The following MVB12B variants were observed in gnomAD, a reference collection of about 807,000 sequenced individuals.
The protein encoded by MVB12B is ESCRT-I complex subunit MVB12B.
In MVB12B, 16 loss-of-function variants were observed where a neutral mutation model predicts 41.6. The observed-to-expected ratio is 0.38, with a 90% CI of 0.26 to 0.58. The LOEUF (loss-of-function observed/expected upper bound fraction) is 0.58, where lower values mean the gene tolerates loss of function less well. Ranked by LOEUF, MVB12B falls within the 20% of genes least tolerant of loss-of-function variation. MVB12B has a pLI of 0.62. For missense variants in MVB12B, 274 were observed against 380.2 expected (o/e 0.72, Z 2.32); for synonymous variants, 133 against 139.7 (o/e 0.95, Z 0.34).
intron 6 of MVB12B, among the ~76,000 whole-genome samples, chr9:126,419,959 G>A (rs1392332140): frequency 6.6e-6 from 1 of 152,110 alleles, no homozygotes; most frequent in Non-Finnish European, 1.5e-5. Context: ...TCTTGTAATG[G>A]TGTTTGGCGC....
At position 126,395,819 on chromosome 9, in the gene MVB12B, G is replaced by A; in HGVS notation, c.662+122G>A. On this transcript the variant is annotated intron_variant, in intron 6 of 9. Transcript: ENST00000361171. The surrounding 1 kb of genome is among the most constrained non-coding windows in gnomAD (Gnocchi z 4.9). ...AAAGTACAGCTGAATAATTGTAGAA[G>A]CAATATATCTTTAGAGGAGATTTTT... The A allele has an allele frequency of 6.7e-7, 1 of 1,501,402 alleles. No homozygotes were observed. The highest frequency in any genetic ancestry group is 8.9e-7 in the Non-Finnish European group (1 of 1,127,806). 93.0% of individuals were successfully genotyped at this position (1,501,402 alleles called of 1,614,324 possible).
intron 7 of MVB12B, among the ~76,000 whole-genome samples, chr9:126,435,419 ATTGCTGGAGATGTTAGC>A (rs1177539713): frequency 6.6e-6 from 1 of 152,150 alleles, no homozygotes; most frequent in Non-Finnish European, 1.5e-5. Flanking sequence ...GAAATGTGTA[ATTGCTGGAGATGTTAGC>A]TTGCTACTGG....
chr9:126,419,948 C>T (rs961585135), intron 6 of MVB12B, among the ~76,000 whole-genome samples: 1 of 152,132 alleles, frequency 6.6e-6, no homozygotes, highest in Non-Finnish European at 1.5e-5. Flanking sequence ...GAACCCAAGC[C>T]TCTTGTAATG....
At chr9:126,332,996 C>T (rs1172042604) in intron 1 of MVB12B, among the ~76,000 whole-genome samples, 2 of 152,206 alleles carry the variant, frequency 1.3e-5, no homozygotes, top group African/African-American at 2.4e-5. Context: ...AGACTACGTG[C>T]TTGCATGATG....
intron 9 of MVB12B, among the ~76,000 whole-genome samples, chr9:126,495,900 G>C (rs1031135794): frequency 6.6e-6 from 1 of 152,158 alleles, no homozygotes; most frequent in African/African-American, 2.4e-5. Context: ...CAAATCACTA[G>C]ACTTAGACTC....
chr9:126,351,009 A>G (rs1335456963), intron 2 of MVB12B, among the ~76,000 whole-genome samples: 2 of 149,290 alleles, frequency 1.3e-5, no homozygotes, highest in Admixed American at 1.3e-4. Context: ...GAGTATTCCA[A>G]TTCATGAACA....
intron 9 of MVB12B, among the ~76,000 whole-genome samples, chr9:126,495,621 C>T (rs911439606): frequency 2.0e-5 from 3 of 151,808 alleles, no homozygotes; most frequent in East Asian, 1.9e-4. Flanking sequence ...GTAGGGAGTG[C>T]GGGGTACTGT....
At chr9:126,454,166 G>A (rs184853707) in intron 7 of MVB12B, among the ~76,000 whole-genome samples, 1 of 152,316 alleles carries the variant, frequency 6.6e-6, no homozygotes, top group East Asian at 1.9e-4. Context: ...GATCAGTTTT[G>A]AAATAAAGTT....
chr9:126,452,904 G>A (rs1289843540), intron 7 of MVB12B, among the ~76,000 whole-genome samples: 1 of 152,150 alleles, frequency 6.6e-6, no homozygotes, highest in Non-Finnish European at 1.5e-5. Context: ...TTGCAGTCTA[G>A]TTCTTTCTCA....
chr9:126,334,781 C>T (rs906541469), intron 1 of MVB12B, among the ~76,000 whole-genome samples: 5 of 152,190 alleles, frequency 3.3e-5, no homozygotes, highest in African/African-American at 1.2e-4. Flanking sequence ...TGGAGAATGC[C>T]CTACCCTCGA....
At chr9:126,393,651 G>GT (rs947266152) in intron 5 of MVB12B, among the ~76,000 whole-genome samples, 12 of 152,374 alleles carry the variant, frequency 7.9e-5, no homozygotes, top group African/African-American at 2.6e-4. Context: ...CAGAAAGGGG[G>GT]TGAGTGGATG....
chr9:126,447,544 A>G (rs1457677992), intron 7 of MVB12B, among the ~76,000 whole-genome samples: 2 of 151,986 alleles, frequency 1.3e-5, no homozygotes, highest in African/African-American at 4.8e-5. Context: ...CGAGAATATG[A>G]CCTCTATAAT....
chr9:126,458,145 A>G (rs1833022058), intron 7 of MVB12B, among the ~76,000 whole-genome samples: 1 of 152,004 alleles, frequency 6.6e-6, no homozygotes, highest in Admixed American at 6.5e-5. Context: ...TGACCCAATA[A>G]ATGATTATGT....
chr9:126,452,160 C>T (rs1204713919), intron 7 of MVB12B, among the ~76,000 whole-genome samples: 1 of 152,248 alleles, frequency 6.6e-6, no homozygotes, highest in Non-Finnish European at 1.5e-5. Flanking sequence ...GCCTTCAGCT[C>T]ATGCGTGTGC....
intron 2 of MVB12B, among the ~76,000 whole-genome samples, chr9:126,348,365 C>T (rs73593676): frequency 0.068 from 10,358 of 152,230 alleles, 592 homozygotes; most frequent in African/African-American, 0.16. Context: ...AGAGAATGCA[C>T]GTGGCACACT....
At chr9:126,465,099 T>C (rs1024577283) in intron 7 of MVB12B, among the ~76,000 whole-genome samples, 1 of 152,178 alleles carries the variant, frequency 6.6e-6, no homozygotes, top group Admixed American at 6.5e-5. Context: ...ACTTTATGAG[T>C]AGAATCTGGG....
intron 9 of MVB12B, among the ~76,000 whole-genome samples, chr9:126,498,105 A>G (rs1189741217): frequency 6.6e-6 from 1 of 152,142 alleles, no homozygotes; most frequent in Non-Finnish European, 1.5e-5. Flanking sequence ...AGCGTTTCAG[A>G]AGCCAGGGCT....
At chr9:126,420,839 G>A (rs182825711) in intron 6 of MVB12B, among the ~76,000 whole-genome samples, 145 of 151,610 alleles carry the variant, frequency 9.6e-4, no homozygotes, top group Non-Finnish European at 1.6e-3. Flanking sequence ...CACCGCGCCC[G>A]GCCCTCCCAG....
At chr9:126,502,632 G>T (rs1214225063) in intron 9 of MVB12B, among the ~76,000 whole-genome samples, 2 of 152,162 alleles carry the variant, frequency 1.3e-5, no homozygotes, top group African/African-American at 4.8e-5. Context: ...GCATGGGGAG[G>T]GTGTGGATGG....
Sources: gnomAD v4.1 joint callset for allele counts (sites outside exome capture counted in the v4.1 genomes callset) on GRCh38, gnomAD v4.1.1 for gene constraint, Gnocchi (gnomAD v3.1) non-coding constraint, MANE v1.5 for transcripts, NCBI Gene and HGNC (gene_info 2026-07-23, HGNC 2026-07-21) for gene names.